ADA2: variants seen among roughly 807,000 people sequenced by gnomAD.
ADA2 encodes adenosine deaminase CECR1.
Under a neutral mutation model 44.2 loss-of-function variants are expected in ADA2, and 29 were observed. The observed-to-expected ratio is 0.66, with a 90% CI of 0.49 to 0.89. The LOEUF is 0.89. Among genes scored for constraint, ADA2 ranks in the 40% least tolerant of loss-of-function variants. The probability of loss-of-function intolerance (pLI) is 0.00; values close to 1 mark genes in which losing one functional copy is unlikely to be tolerated. For missense variants in ADA2, 637 were observed against 644.8 expected, an observed-to-expected ratio of 0.99 and a Z score of 0.13; for synonymous variants, 215 against 234.9, an observed-to-expected ratio of 0.92 and a Z score of 0.77.
chr22:17,198,634 A>C (rs2123683758), intron 4 of ADA2: 1 of 152,270 alleles, frequency 6.6e-6, no homozygotes, highest in East Asian at 1.9e-4. Context: ...ACGTCTGGGA[A>C]CGACTGTCAC....
intron 4 of ADA2, chr22:17,199,699 G>C: frequency 1.3e-6 from 2 of 1,523,432 alleles, no homozygotes; most frequent in Non-Finnish European, 8.8e-7. Flanking sequence ...GAACTTAGGA[G>C]CCCTGGTCTG....
At chr22:17,204,106 GCTCT>G (rs896895741) in intron 3 of ADA2, among the ~76,000 whole-genome samples, 3 of 151,342 alleles carry the variant, frequency 2.0e-5, no homozygotes, top group African/African-American at 4.9e-5. Context: ...AGACCAAAAA[GCTCT>G]CTCTCTCTCT....
chr22:17,188,814 A>G lies in ADA2; in HGVS notation c.973-367T>C, dbSNP rs567053207. On this transcript the variant is annotated intron_variant, in intron 6 of 9. Transcript: ENST00000399837. ...GAATGGCATGAACCCAGGAGGCAGA[A>G]CTTGCAGTGAGCTGAGATCACACCA... 8.5e-4 allele frequency: 120 copies of G among 141,372 alleles called. 5 individuals are homozygous for G. The East Asian group carries it at 0.023, about 27-fold the overall frequency. The allele number at this position is 141,372 out of a possible 1,614,324, so 8.8% of individuals were successfully genotyped here. A position where few individuals can be genotyped will look rare whatever the true frequency, so the allele number is the denominator to read the frequency against.
intron 7 of ADA2, among the ~76,000 whole-genome samples, chr22:17,185,389 C>T (rs139498580): frequency 0.22 from 32,898 of 150,882 alleles, 4,564 homozygotes; most frequent in East Asian, 0.6. Flanking sequence ...GCACTCCAGC[C>T]TGGGGACAGA....
intron 2 of ADA2, among the ~76,000 whole-genome samples, chr22:17,208,874 G>A (rs769215456): frequency 6.6e-6 from 1 of 150,484 alleles, no homozygotes; most frequent in Non-Finnish European, 1.5e-5. Context: ...TGTCGCCCAG[G>A]CTGGAGTGCA....
intron 6 of ADA2, 174 bp from the exon 7 acceptor site, chr22:17,188,621 T>C (rs1249286486): frequency 2.0e-6 from 1 of 491,914 alleles, no homozygotes; most frequent in Non-Finnish European, 3.6e-6. Context: ...GGCTCACACC[T>C]GTAATCCCAG....
At chr22:17,218,050 G>C (rs2062489754) in intron 1 of ADA2, among the ~76,000 whole-genome samples, 1 of 152,130 alleles carries the variant, frequency 6.6e-6, no homozygotes, top group Non-Finnish European at 1.5e-5. Flanking sequence ...TCCAAGTGCA[G>C]CATGAATATC....
chr22:17,208,143 C>T (rs5994200), intron 2 of ADA2, among the ~76,000 whole-genome samples: 3,774 of 151,798 alleles, frequency 0.025, 154 homozygotes, highest in African/African-American at 0.086. Flanking sequence ...GAAAAAAAAA[C>T]AGCTGGGCAC....
In ADA2 at chr22:17,191,794, C is replaced by T; in HGVS notation, c.770G>A (p.Gly257Glu). 6.2e-7 allele frequency: 1 copy of T among 1,613,392 alleles called. No homozygotes were observed. Among genetic ancestry groups the T allele is most frequent in the East Asian group, 2.2e-5 (1 of 44,874 alleles). The change falls in exon 5 of 10, where the codon GGA becomes GAA. Residue 257 changes from glycine to glutamate, a missense_variant. Transcript: ENST00000399837. Reference sequence around the variant, plus strand: ...TGACCACTCTTCGTCATGGTGCTCTCCACTGAGCTCATACACCTGGGAAGA... The same window carrying T: ...TGACCACTCTTCGTCATGGTGCTCTTCACTGAGCTCATACACCTGGGAAGA... ...ARLLPVYELSGEHHDEEWSVK... is the reference protein window; with the variant it reads ...ARLLPVYELSEEHHDEEWSVK...
At chr22:17,205,056 C>T (rs1266240483) in intron 3 of ADA2, among the ~76,000 whole-genome samples, 4 of 150,036 alleles carry the variant, frequency 2.7e-5, no homozygotes, top group African/African-American at 4.9e-5. Context: ...CTTGCTCTGT[C>T]GCCCAGGCTG....
intron 1 of ADA2, among the ~76,000 whole-genome samples, chr22:17,217,872 A>C (rs1388800928): frequency 1.3e-5 from 2 of 152,232 alleles, no homozygotes; most frequent in Non-Finnish European, 2.9e-5. Flanking sequence ...TACACTTGAA[A>C]GTATGATACA....
At chr22:17,216,797 T>TAGAG (rs55765618) in intron 1 of ADA2, among the ~76,000 whole-genome samples, 87 of 147,204 alleles carry the variant, frequency 5.9e-4, no homozygotes, top group East Asian at 3.6e-3. Context: ...CACATATATA[T>TAGAG]AGAGAGAGAG....
At chr22:17,199,124 C>A (rs1298144384) in intron 4 of ADA2, among the ~76,000 whole-genome samples, 1 of 152,148 alleles carries the variant, frequency 6.6e-6, no homozygotes, top group Non-Finnish European at 1.5e-5. Context: ...CCCTCCCCCT[C>A]CCCCTCCACC....
chr22:17,192,333 C>G (rs2062128044), intron 4 of ADA2, among the ~76,000 whole-genome samples: 1 of 152,098 alleles, frequency 6.6e-6, no homozygotes, highest in African/African-American at 2.4e-5. Flanking sequence ...AAGAGCAGGT[C>G]ACGGGGGGAG....
At chr22:17,192,559 G>A (rs568692565) in intron 4 of ADA2, among the ~76,000 whole-genome samples, 273 of 152,238 alleles carry the variant, frequency 1.8e-3, no homozygotes, top group African/African-American at 6.2e-3. Flanking sequence ...GGGGAAAGGT[G>A]GCTCACACCT....
chr22:17,216,400 A>G (rs2062472029), intron 1 of ADA2, among the ~76,000 whole-genome samples: 1 of 151,856 alleles, frequency 6.6e-6, no homozygotes, highest in Admixed American at 6.6e-5. Context: ...CTACAGTTAG[A>G]TAGAAGAAAT....
At chr22:17,214,450 T>C (rs1336742991) in intron 1 of ADA2, among the ~76,000 whole-genome samples, 2 of 152,020 alleles carry the variant, frequency 1.3e-5, no homozygotes, top group Non-Finnish European at 2.9e-5. Flanking sequence ...GTCCGTACCA[T>C]GTAAAAATGT....
intron 1 of ADA2, among the ~76,000 whole-genome samples, chr22:17,211,206 A>G (rs1029840263): frequency 1.3e-5 from 2 of 151,786 alleles, no homozygotes; most frequent in African/African-American, 4.8e-5. Flanking sequence ...TAAAAATACA[A>G]AAATTAGCTG....
At chr22:17,199,921 G>A in intron 4 of ADA2, 1 of 369,080 alleles carries the variant, frequency 2.7e-6, no homozygotes, top group Non-Finnish European at 4.7e-6. Flanking sequence ...CTCGCCAGGC[G>A]CGGTGGCTCA....
Sources: gnomAD v4.1 joint callset for allele counts (sites outside exome capture counted in the v4.1 genomes callset) on GRCh38, gnomAD v4.1.1 for gene constraint, MANE v1.5 for transcripts, NCBI Gene and HGNC (gene_info 2026-07-23, HGNC 2026-07-21) for gene names.